OXR1: variants seen among roughly 807,000 people sequenced by gnomAD.
OXR1 encodes the protein oxidation resistance protein 1.
Under a neutral mutation model 104.6 loss-of-function variants are expected in OXR1, and 41 were observed. The ratio of observed to expected loss-of-function variants is 0.39; its 90% CI spans 0.31 to 0.51. The LOEUF (loss-of-function observed/expected upper bound fraction) is 0.51. Ranked by LOEUF, OXR1 falls within the 20% of genes least tolerant of loss-of-function variation. The pLI is 0.77. For synonymous variants in OXR1, 348 were observed against 348.4 expected, an observed-to-expected ratio of 1.00 and a Z score of 0.01; for missense variants, 955 against 1,031.9, an observed-to-expected ratio of 0.93 and a Z score of 1.02.
chr8:106,338,588 A>G (rs1815063423), intron 1 of OXR1, among the ~76,000 whole-genome samples: 2 of 150,162 alleles, frequency 1.3e-5, no homozygotes, highest in Admixed American at 1.3e-4. Flanking sequence ...AAAGCAACCC[A>G]GTGTTAACCA....
chr8:106,477,668 T>C (rs1821881951), intron 2 of OXR1, among the ~76,000 whole-genome samples: 1 of 151,982 alleles, frequency 6.6e-6, no homozygotes, highest in Admixed American at 6.6e-5. Context: ...ATCTACAAGT[T>C]TTTTTAAATT....
chr8:106,579,051 G>T (rs1326005113), intron 3 of OXR1, among the ~76,000 whole-genome samples: 2 of 144,008 alleles, frequency 1.4e-5, no homozygotes, highest in African/African-American at 2.7e-5. Flanking sequence ...TGCTGACTGG[G>T]AATGTCCTCT....
intron 11 of OXR1, among the ~76,000 whole-genome samples, chr8:106,717,638 G>A (rs1832398040): frequency 6.6e-6 from 1 of 152,090 alleles, no homozygotes; most frequent in African/African-American, 2.4e-5. Flanking sequence ...GTGTCATAAG[G>A]CAGGGATTTG....
chr8:106,355,307 A>G (rs1261180530), intron 1 of OXR1, among the ~76,000 whole-genome samples: 2 of 152,176 alleles, frequency 1.3e-5, no homozygotes, highest in Non-Finnish European at 2.9e-5. Context: ...TGTTAAGATT[A>G]TGAATCACCA....
chr8:106,426,144 T>G (rs1365607671), intron 2 of OXR1, among the ~76,000 whole-genome samples: 1 of 152,150 alleles, frequency 6.6e-6, no homozygotes, highest in African/African-American at 2.4e-5. Context: ...CCTCAGCTGC[T>G]CCCTCATATG....
intron 2 of OXR1, among the ~76,000 whole-genome samples, chr8:106,470,833 G>A (rs2130678193): frequency 6.6e-6 from 1 of 151,764 alleles, no homozygotes; most frequent in African/African-American, 2.4e-5. Flanking sequence ...AGTGAAGGAA[G>A]GGTATGAAGG....
intron 2 of OXR1, among the ~76,000 whole-genome samples, chr8:106,373,151 A>T (rs1250142034): frequency 6.6e-6 from 1 of 152,178 alleles, no homozygotes; most frequent in Non-Finnish European, 1.5e-5. Flanking sequence ...GTATATAGTT[A>T]TATGTAAGTT....
chr8:106,352,195 G>C (rs1486458081), intron 1 of OXR1, among the ~76,000 whole-genome samples: 2 of 152,194 alleles, frequency 1.3e-5, no homozygotes, highest in African/African-American at 2.4e-5. Context: ...AAGTGGATGT[G>C]TTCCAAATAT....
At chr8:106,469,357 T>G (rs538614303) in intron 2 of OXR1, among the ~76,000 whole-genome samples, 1 of 151,906 alleles carries the variant, frequency 6.6e-6, no homozygotes, top group South Asian at 2.1e-4. Context: ...CTGAAGAAAC[T>G]CTTCACTTGA....
intron 13 of OXR1, 96 bp from the exon 14 acceptor site, chr8:106,740,247 A>G (rs1834805209): frequency 8.6e-6 from 7 of 815,270 alleles, no homozygotes; most frequent in African/African-American, 1.8e-5. Flanking sequence ...TTTATAGCCT[A>G]TATTATATAG....
intron 16 of OXR1, among the ~76,000 whole-genome samples, chr8:106,746,258 C>G (rs1335640594): frequency 1.3e-4 from 1 of 7,528 alleles, no homozygotes; most frequent in Non-Finnish European, 2.1e-4. Flanking sequence ...TTATTCTACT[C>G]TGGAGACCAT....
intron 3 of OXR1, among the ~76,000 whole-genome samples, chr8:106,550,261 C>G (rs1160514851): frequency 6.6e-6 from 1 of 152,096 alleles, no homozygotes; most frequent in Non-Finnish European, 1.5e-5. Flanking sequence ...AATGTTATAG[C>G]CACTACTCTG....
intron 1 of OXR1, among the ~76,000 whole-genome samples, chr8:106,355,972 T>G (rs1563734110): frequency 6.6e-6 from 1 of 152,058 alleles, no homozygotes; most frequent in Non-Finnish European, 1.5e-5. Flanking sequence ...TCCATATTAT[T>G]GCAATAGAGG....
intron 3 of OXR1, among the ~76,000 whole-genome samples, chr8:106,570,689 C>T (rs10111679): frequency 0.18 from 26,663 of 152,042 alleles, 2,474 homozygotes; most frequent in East Asian, 0.34. Flanking sequence ...CATGCTGACT[C>T]CATTTTGTGC....
intron 2 of OXR1, 107 bp from the exon 3 acceptor site, chr8:106,518,836 C>T (rs1813052950): frequency 1.4e-6 from 1 of 692,928 alleles, no homozygotes; most frequent in African/African-American, 1.8e-5. Flanking sequence ...AGATGTGGTT[C>T]TATCTCAAGG....
intron 11 of OXR1, among the ~76,000 whole-genome samples, chr8:106,719,881 C>T (rs1832672718): frequency 1.3e-5 from 2 of 152,134 alleles, no homozygotes; most frequent in African/African-American, 2.4e-5. Context: ...TCTTGGCTCA[C>T]TGCAAGCTCC....
intron 1 of OXR1, among the ~76,000 whole-genome samples, chr8:106,356,757 GA>G (rs1815991844): frequency 6.6e-6 from 1 of 151,956 alleles, no homozygotes; most frequent in Non-Finnish European, 1.5e-5. Context: ...AAGGTTAGCA[GA>G]AGTCTTGAAT....
chr8:106,732,075 CT>C (rs1164951765), intron 11 of OXR1, among the ~76,000 whole-genome samples: 2 of 151,984 alleles, frequency 1.3e-5, no homozygotes, highest in African/African-American at 4.8e-5. Flanking sequence ...CAGTTTTCTA[CT>C]TTTTTTCACG....
intron 3 of OXR1, among the ~76,000 whole-genome samples, chr8:106,672,682 G>C (rs111320935): frequency 6.6e-6 from 1 of 152,134 alleles, no homozygotes; most frequent in Admixed American, 6.6e-5. Flanking sequence ...TTATAATCCC[G>C]ATAATCCCCA....
Sources: gnomAD v4.1 joint callset for allele counts (sites outside exome capture counted in the v4.1 genomes callset) on GRCh38, gnomAD v4.1.1 for gene constraint, MANE v1.5 for transcripts, NCBI Gene and HGNC (gene_info 2026-07-23, HGNC 2026-07-21) for gene names.